GPC4: variants seen among roughly 807,000 people sequenced by gnomAD.
GPC4 encodes glypican 4.
A neutral mutation model predicts 35.0 loss-of-function variants in GPC4; 10 were observed. That is an observed-to-expected ratio of 0.29 (90% CI 0.18 to 0.48). The LOEUF (loss-of-function observed/expected upper bound fraction) is 0.48. Ranked by LOEUF, GPC4 falls within the 20% of genes least tolerant of loss-of-function variation. The pLI, the probability that GPC4 is intolerant of heterozygous loss-of-function variation, is 0.99. For missense variants in GPC4, 322 were observed against 451.3 expected, an observed-to-expected ratio of 0.71 and a Z score of 2.60; for synonymous variants, 167 against 170.2, an observed-to-expected ratio of 0.98 and a Z score of 0.15.
intron 1 of GPC4, among the ~76,000 whole-genome samples, chrX:133,350,277 C>G (rs1047680513): frequency 5.4e-5 from 6 of 111,373 alleles, no homozygotes; most frequent in African/African-American, 2.0e-4. Flanking sequence ...AATCCTAGCA[C>G]TTTGGGAGGT....
At chrX:133,370,500 C>A (rs1427309147) in intron 1 of GPC4, among the ~76,000 whole-genome samples, 1 of 111,471 alleles carries the variant, frequency 9.0e-6, no homozygotes, top group African/African-American at 3.3e-5. Context: ...TTATAAAGTT[C>A]TTCAGGGTTT....
At chrX:133,324,034 C>A in intron 3 of GPC4, 111 bp downstream of exon 3, 1 of 796,142 alleles carries the variant, frequency 1.3e-6, no homozygotes. Flanking sequence ...GAAAAGGCTG[C>A]CATTGAACCA....
At chrX:133,309,093 T>C (rs890057087) in intron 4 of GPC4, among the ~76,000 whole-genome samples, 2 of 111,483 alleles carry the variant, frequency 1.8e-5, no homozygotes, top group Non-Finnish European at 3.8e-5. Flanking sequence ...ATTAAACCCT[T>C]GTGAAAAATT....
chrX:133,375,502 T>C (rs770801888), intron 1 of GPC4, among the ~76,000 whole-genome samples: 1 of 112,218 alleles, frequency 8.9e-6, no homozygotes, highest in Non-Finnish European at 1.9e-5. Context: ...AAATCCTTAA[T>C]GGGAAAACCA....
At chrX:133,346,128 T>C (rs1271188162) in intron 1 of GPC4, among the ~76,000 whole-genome samples, 1 of 111,527 alleles carries the variant, frequency 9.0e-6, no homozygotes, top group Non-Finnish European at 1.9e-5. Flanking sequence ...AAATGTCTGA[T>C]TGGGAAAGCA....
At chrX:133,349,868 C>CA (rs1190299154) in intron 1 of GPC4, among the ~76,000 whole-genome samples, 1 of 111,829 alleles carries the variant, frequency 8.9e-6, no homozygotes, top group African/African-American at 3.3e-5. Context: ...AATCCTCCCC[C>CA]TCAGCCTCCC....
chrX:133,403,475 C>T (rs193181584), intron 1 of GPC4, among the ~76,000 whole-genome samples: 1 of 111,546 alleles, frequency 9.0e-6, no homozygotes, highest in Non-Finnish European at 1.9e-5. Flanking sequence ...CCAGAGACTC[C>T]ACCTCCTAAT....
chrX:133,407,785 T>C lies in GPC4; in HGVS notation c.160+7021A>G, dbSNP rs760463459. Reference sequence around the variant, plus strand: ...TCTTTGTATTTTGTGAAAGATGCCTTTTTCCCTGAAGCAGCCTCTTTTACT... The same window carrying C: ...TCTTTGTATTTTGTGAAAGATGCCTCTTTCCCTGAAGCAGCCTCTTTTACT... On this transcript the variant is annotated intron_variant, in intron 1 of 8. Coordinates refer to ENST00000370828, the MANE Select transcript of GPC4 (RefSeq NM_001448.3). Among the ~76,000 whole-genome samples the C allele has an allele frequency of 3.9e-4, 44 of 112,632 alleles. No homozygotes were observed. The South Asian group carries it at 7.7e-3, about 20-fold the overall frequency.
intron 1 of GPC4, among the ~76,000 whole-genome samples, chrX:133,413,253 G>C (rs931102891): frequency 3.6e-5 from 4 of 111,908 alleles, no homozygotes; most frequent in Non-Finnish European, 7.5e-5. Flanking sequence ...GCAGCTGAAG[G>C]GCAAACAGTG....
intron 1 of GPC4, among the ~76,000 whole-genome samples, chrX:133,343,046 T>C (rs1228728535): frequency 9.0e-6 from 1 of 111,445 alleles, no homozygotes; most frequent in Non-Finnish European, 1.9e-5. Flanking sequence ...CTGAGAGAGC[T>C]GAACACGAGG....
chrX:133,329,525 T>C (rs1324414041), intron 2 of GPC4, among the ~76,000 whole-genome samples: 2 of 111,355 alleles, frequency 1.8e-5, no homozygotes, highest in Non-Finnish European at 3.8e-5. Flanking sequence ...TTAAAGGTTG[T>C]GAAACGTCCC....
chrX:133,380,404 G>A (rs988183150), intron 1 of GPC4, among the ~76,000 whole-genome samples: 2 of 99,069 alleles, frequency 2.0e-5, no homozygotes, highest in African/African-American at 7.6e-5. Flanking sequence ...AAGTTGTAAG[G>A]CTAAGGATCT....
chrX:133,311,226 C>T, intron 4 of GPC4, 32 bp downstream of exon 4: 1 of 1,188,948 alleles, frequency 8.4e-7, no homozygotes, highest in Non-Finnish European at 1.1e-6. Flanking sequence ...AAGCTATCTC[C>T]AGCAACACAA....
At chrX:133,316,198 T>C (rs2068337496) in intron 3 of GPC4, among the ~76,000 whole-genome samples, 1 of 111,923 alleles carries the variant, frequency 8.9e-6, no homozygotes, top group Non-Finnish European at 1.9e-5. Context: ...TGCCAGGTTC[T>C]ATTCTCAGTA....
At chrX:133,387,774 T>C (rs1294521777) in intron 1 of GPC4, among the ~76,000 whole-genome samples, 1 of 111,931 alleles carries the variant, frequency 8.9e-6, no homozygotes, top group Non-Finnish European at 1.9e-5. Context: ...AATTACATGG[T>C]ACATTGGACT....
intron 1 of GPC4, among the ~76,000 whole-genome samples, chrX:133,377,873 TTTTC>T (rs1455686191): frequency 1.3e-5 from 1 of 79,819 alleles, no homozygotes; most frequent in Non-Finnish European, 2.2e-5. Flanking sequence ...ATACTTTTCT[TTTTC>T]TTTTTTTTTT....
chrX:133,348,444 A>G (rs2068502703), intron 1 of GPC4, among the ~76,000 whole-genome samples: 1 of 112,519 alleles, frequency 8.9e-6, no homozygotes, highest in South Asian at 3.7e-4. Flanking sequence ...AGGCTCCTGT[A>G]AATACTTTCT....
intron 2 of GPC4, among the ~76,000 whole-genome samples, chrX:133,328,594 T>C (rs1041803017): frequency 9.0e-6 from 1 of 111,290 alleles, no homozygotes; most frequent in Non-Finnish European, 1.9e-5. Context: ...GCAACTTCAG[T>C]AATCGCTGCA....
At position 133,338,706 on chromosome X, in the gene GPC4, G is replaced by A. The variant is rs1177226052; in HGVS notation, c.319+477C>T. Among the ~76,000 whole-genome samples, 4 of 111,436 alleles carry A rather than the reference G, an allele frequency of 3.6e-5. No individual in the cohort carries two copies. In the East Asian group the frequency reaches 1.1e-3, roughly 32 times the overall value. On this transcript the variant is annotated intron_variant, in intron 2 of 8. Transcript: ENST00000370828. ...AAATGGCTACTTTTGGGTCTCTGCTGCATGGAAACTCAAGAACTTTAATCC... is the reference window on the plus strand; with the variant it reads ...AAATGGCTACTTTTGGGTCTCTGCTACATGGAAACTCAAGAACTTTAATCC...
Sources: gnomAD v4.1 joint callset for allele counts (sites outside exome capture counted in the v4.1 genomes callset) on GRCh38, gnomAD v4.1.1 for gene constraint, MANE v1.5 for transcripts, NCBI Gene and HGNC (gene_info 2026-07-23, HGNC 2026-07-21) for gene names.